Variants in PDE10A observed in about 807,000 individuals in gnomAD.
The protein encoded by PDE10A is cAMP and cAMP-inhibited cGMP 3',5'-cyclic phosphodiesterase 10A.
A neutral mutation model predicts 97.7 loss-of-function variants in PDE10A; 39 were observed. The ratio of observed to expected loss-of-function variants is 0.40; its 90% CI spans 0.31 to 0.52. The LOEUF is 0.52. Ranked by LOEUF, PDE10A falls within the 20% of genes least tolerant of loss-of-function variation. The probability of loss-of-function intolerance (pLI) is 0.56; values close to 1 mark genes in which losing one functional copy is unlikely to be tolerated. For synonymous variants in PDE10A, 371 were observed against 376.8 expected, an observed-to-expected ratio of 0.98 and a Z score of 0.18; for missense variants, 731 against 1,047.8, an observed-to-expected ratio of 0.70 and a Z score of 4.17.
At chr6:165,410,639 G>T (rs985835195) in intron 13 of PDE10A, among the ~76,000 whole-genome samples, 2 of 152,062 alleles carry the variant, frequency 1.3e-5, no homozygotes, top group Non-Finnish European at 2.9e-5. Flanking sequence ...GGAGAAACCT[G>T]CAGACAGGAC....
intron 2 of PDE10A, among the ~76,000 whole-genome samples, chr6:165,524,338 T>C (rs1231316297): frequency 6.6e-6 from 1 of 152,170 alleles, no homozygotes; most frequent in Non-Finnish European, 1.5e-5. Context: ...TGGAGTTGGC[T>C]GCTTAATATG....
At chr6:165,833,459 T>C (rs1779982337) in intron 1 of PDE10A, among the ~76,000 whole-genome samples, 2 of 152,200 alleles carry the variant, frequency 1.3e-5, no homozygotes, top group Non-Finnish European at 2.9e-5. Flanking sequence ...TGGAAGACAA[T>C]GGACCCTTCC....
chr6:165,679,693 A>T (rs1454415768), intron 1 of PDE10A, among the ~76,000 whole-genome samples: 1 of 152,226 alleles, frequency 6.6e-6, no homozygotes, highest in Non-Finnish European at 1.5e-5. Flanking sequence ...TTTGCGACCT[A>T]CAGAAACGGT....
At chr6:165,854,581 G>A (rs958532268) in intron 1 of PDE10A, among the ~76,000 whole-genome samples, 5 of 152,294 alleles carry the variant, frequency 3.3e-5, no homozygotes, top group South Asian at 4.1e-4. Context: ...GAGGGAGCCC[G>A]GGGGTCCCCA....
At chr6:165,944,338 A>G (rs1019595840) in intron 1 of PDE10A, among the ~76,000 whole-genome samples, 3 of 152,100 alleles carry the variant, frequency 2.0e-5, no homozygotes, top group Non-Finnish European at 4.4e-5. Flanking sequence ...AATCCCAGAT[A>G]TTTTGTATTT....
chr6:165,370,936 T>C (rs6911295), intron 18 of PDE10A, among the ~76,000 whole-genome samples: 61,072 of 121,556 alleles, frequency 0.5, 16,887 homozygotes, highest in African/African-American at 0.7. Context: ...CACTCAAAAC[T>C]GCTCAACTAC....
chr6:165,676,954 C>T (rs1790815525), intron 1 of PDE10A, among the ~76,000 whole-genome samples: 1 of 152,234 alleles, frequency 6.6e-6, no homozygotes, highest in Non-Finnish European at 1.5e-5. Context: ...CTCACTCATT[C>T]CCGAGAAATG....
At chr6:165,489,859 A>C (rs1780127923) in intron 2 of PDE10A, among the ~76,000 whole-genome samples, 1 of 152,230 alleles carries the variant, frequency 6.6e-6, no homozygotes, top group South Asian at 2.1e-4. Flanking sequence ...GAGCTCAAAG[A>C]GAAAGCTTTC....
chr6:165,382,625 T>A (rs943804557), intron 17 of PDE10A, among the ~76,000 whole-genome samples: 1 of 152,154 alleles, frequency 6.6e-6, no homozygotes, highest in Non-Finnish European at 1.5e-5. Flanking sequence ...ACCTATCTCA[T>A]GGGGATATAA....
At chr6:165,674,769 G>T (rs902417068) in intron 1 of PDE10A, among the ~76,000 whole-genome samples, 1 of 152,210 alleles carries the variant, frequency 6.6e-6, no homozygotes, top group Non-Finnish European at 1.5e-5. Flanking sequence ...TACATAGTCA[G>T]TTGCCTCTGA....
chr6:165,375,695 C>G (rs1784565574), intron 18 of PDE10A, among the ~76,000 whole-genome samples: 1 of 152,180 alleles, frequency 6.6e-6, no homozygotes, highest in Non-Finnish European at 1.5e-5. Flanking sequence ...ATGTCTAGCT[C>G]CAAAGCTTCA....
chr6:165,737,885 A>T (rs1368235795), intron 1 of PDE10A, among the ~76,000 whole-genome samples: 1 of 152,210 alleles, frequency 6.6e-6, no homozygotes, highest in African/African-American at 2.4e-5. Context: ...AGATGACTTG[A>T]TTTTTTATAA....
At chr6:165,592,854 CT>C (rs1453148288) in intron 1 of PDE10A, among the ~76,000 whole-genome samples, 2 of 152,184 alleles carry the variant, frequency 1.3e-5, no homozygotes, top group Non-Finnish European at 2.9e-5. Context: ...GTTGGTGGGA[CT>C]TTAAACTAGT....
intron 1 of PDE10A, among the ~76,000 whole-genome samples, chr6:165,868,841 C>T (rs1781123850): frequency 6.8e-6 from 1 of 147,026 alleles, no homozygotes; most frequent in Non-Finnish European, 1.5e-5. Flanking sequence ...GGGATTTATC[C>T]CAGGGATGCG....
chr6:165,643,457 G>A (rs1789243491), intron 1 of PDE10A, among the ~76,000 whole-genome samples: 1 of 152,226 alleles, frequency 6.6e-6, no homozygotes, highest in Non-Finnish European at 1.5e-5. Context: ...TTGTCCCATC[G>A]TTTAGTACCC....
intron 1 of PDE10A, among the ~76,000 whole-genome samples, chr6:165,930,192 T>C (rs1783090088): frequency 6.6e-6 from 1 of 152,254 alleles, no homozygotes; most frequent in South Asian, 2.1e-4. Flanking sequence ...CACAGATCCC[T>C]GAGCCACTGA....
chr6:165,772,606 G>A (rs1339810606), intron 1 of PDE10A, among the ~76,000 whole-genome samples: 4 of 152,150 alleles, frequency 2.6e-5, no homozygotes, highest in Non-Finnish European at 5.9e-5. Flanking sequence ...CGTGACCTCC[G>A]GGGCCCTTCC....
At chr6:165,393,262 C>T (rs368902421) in intron 15 of PDE10A, among the ~76,000 whole-genome samples, 1 of 152,070 alleles carries the variant, frequency 6.6e-6, no homozygotes, top group African/African-American at 2.4e-5. Flanking sequence ...AGTTACTATA[C>T]TTTCAAAGTA....
At chr6:165,534,446 T>A (rs1454750844) in intron 2 of PDE10A, among the ~76,000 whole-genome samples, 2 of 152,082 alleles carry the variant, frequency 1.3e-5, no homozygotes, top group African/African-American at 4.8e-5. Flanking sequence ...AAACTCATTC[T>A]ATGAGGCCAG....
Sources: allele counts gnomAD v4.1 joint callset (sites outside exome capture counted in the v4.1 genomes callset), GRCh38; gene constraint gnomAD v4.1.1; transcripts MANE v1.5; gene names NCBI Gene and HGNC (gene_info 2026-07-23, HGNC 2026-07-21).